Variants in MZT2B observed in about 807,000 individuals in gnomAD.
MZT2B encodes mitotic spindle organizing protein 2B.
In MZT2B, 11 loss-of-function variants were observed where a neutral mutation model predicts 12.1. The ratio of observed to expected loss-of-function variants is 0.91; its 90% CI spans 0.57 to 1.50. The LOEUF is 1.50. Ranked by LOEUF, MZT2B falls within the 40% of genes most tolerant of loss-of-function variation. The pLI, the probability that MZT2B is intolerant of heterozygous loss-of-function variation, is 0.00. For missense variants in MZT2B, 209 were observed against 227.7 expected (o/e 0.92, Z 0.53); for synonymous variants, 85 against 109.5 (o/e 0.78, Z 1.40).
the MZT2B span, among the ~76,000 whole-genome samples, chr2:130,197,148 C>G: frequency 6.6e-6 from 1 of 152,186 alleles, no homozygotes; most frequent in Non-Finnish European, 1.5e-5. Context: ...TAATGGCTCC[C>G]AGACATCATC....
downstream of MZT2B, among the ~76,000 whole-genome samples, chr2:130,193,378 G>A (rs1690317148): frequency 1.3e-5 from 2 of 152,038 alleles, no homozygotes; most frequent in African/African-American, 4.8e-5. Context: ...GGAGGCTGAG[G>A]CAGGCAGATC....
upstream of MZT2B, chr2:130,182,231 A>C (rs1033518060): frequency 1.2e-5 from 15 of 1,229,724 alleles, no homozygotes; most frequent in African/African-American, 2.4e-4. Context: ...TGGTGGGCGC[A>C]GCCGCTAGGG....
intron 2 of MZT2B, among the ~76,000 whole-genome samples, chr2:130,186,076 C>A (rs532061077): frequency 1.3e-5 from 2 of 152,142 alleles, no homozygotes; most frequent in East Asian, 3.9e-4. Context: ...CCACATGTTA[C>A]AGCATCTGAC....
At chr2:130,201,755 C>T in the MZT2B span, among the ~76,000 whole-genome samples, 8 of 152,224 alleles carry the variant, frequency 5.3e-5, no homozygotes, top group South Asian at 2.1e-4. Context: ...ATTTCGTTGA[C>T]GTGAGAACAT....
At chr2:130,182,986 A>T (rs2599747) in intron 2 of MZT2B, 1 of 815,492 alleles carries the variant, frequency 1.2e-6, no homozygotes, top group Non-Finnish European at 1.8e-6. Context: ...CAGAGTGCGT[A>T]CCCCAGGGTG....
At chr2:130,184,084 C>T (rs753287115) in intron 2 of MZT2B, 14 of 1,545,102 alleles carry the variant, frequency 9.1e-6, no homozygotes, top group South Asian at 4.8e-5. Context: ...TGCAGGCCAT[C>T]GCTGCCCTGC....
chr2:130,182,175 G>A, upstream of MZT2B: 6 of 1,263,044 alleles, frequency 4.8e-6, no homozygotes, highest in South Asian at 1.2e-4. Flanking sequence ...CGCCCCTCCC[G>A]CCAGGGCAGC....
chr2:130,186,288 G>A (rs1385540558), intron 2 of MZT2B, among the ~76,000 whole-genome samples: 1 of 152,086 alleles, frequency 6.6e-6, no homozygotes, highest in Admixed American at 6.5e-5. Flanking sequence ...CTGGATGCCT[G>A]TCCCCCAGCC....
At chr2:130,190,830 A>G (rs192599394), downstream of MZT2B, 1,060 of 1,189,872 alleles carry the variant, frequency 8.9e-4, 14 homozygotes, top group Admixed American at 3.8e-4. Flanking sequence ...TGAACTAACC[A>G]GGTCCCTTCA....
At chr2:130,194,353 C>A (rs200389429), downstream of MZT2B, 13 of 1,613,396 alleles carry the variant, frequency 8.1e-6, no homozygotes, top group Non-Finnish European at 1.1e-5. Flanking sequence ...GCTTGGACTT[C>A]TTGCTGTAAT....
At chr2:130,194,389 A>C, downstream of MZT2B, 1 of 1,613,022 alleles carries the variant, frequency 6.2e-7, no homozygotes, top group Non-Finnish European at 8.5e-7. Flanking sequence ...CCATGAGCAG[A>C]GATGCGAACC....
chr2:130,194,316 G>T, downstream of MZT2B: 1 of 1,612,822 alleles, frequency 6.2e-7, no homozygotes, highest in South Asian at 1.1e-5. Context: ...GTGGAGACCT[G>T]GGGGGCTGGG....
chr2:130,184,297 C>G, intron 2 of MZT2B: 6 of 985,392 alleles, frequency 6.1e-6, no homozygotes, highest in Non-Finnish European at 6.0e-6. Context: ...GAGCACAGCC[C>G]CAGGCGTGAC....
chr2:130,196,498 T>A, the MZT2B span: 1 of 1,337,864 alleles, frequency 7.5e-7, no homozygotes, highest in Non-Finnish European at 1.0e-6. Flanking sequence ...AATCGATATT[T>A]CCTAGGAGGG....
the MZT2B span, among the ~76,000 whole-genome samples, chr2:130,196,826 C>T: frequency 0.016 from 2,499 of 152,260 alleles, 31 homozygotes; most frequent in African/African-American, 0.056. Context: ...CTCTGCCCCC[C>T]AGTTCTACCC....
the MZT2B span, chr2:130,196,375 T>A: frequency 3.7e-6 from 6 of 1,611,414 alleles, no homozygotes; most frequent in Non-Finnish European, 5.1e-6. Flanking sequence ...ACTCGCGCTG[T>A]GAACCGGAAC....
the MZT2B span, chr2:130,204,245 C>A: frequency 3.3e-6 from 3 of 915,576 alleles, no homozygotes; most frequent in Middle Eastern, 5.1e-4. Context: ...CAAAAGCTGG[C>A]CCTGCAGGAG....
downstream of MZT2B, chr2:130,191,720 C>T: frequency 6.6e-7 from 1 of 1,520,872 alleles, no homozygotes; most frequent in Non-Finnish European, 8.8e-7. Flanking sequence ...GTAGGCAGAG[C>T]TAAGCTGCAT....
the MZT2B span, chr2:130,202,508 A>G: frequency 2.4e-6 from 3 of 1,241,108 alleles, no homozygotes; most frequent in African/African-American, 1.5e-5. Context: ...TTCATTTCAT[A>G]CAGATGTTTA....
Sources: gnomAD v4.1 joint callset for allele counts (sites outside exome capture counted in the v4.1 genomes callset) on GRCh38, gnomAD v4.1.1 for gene constraint, MANE v1.5 for transcripts, NCBI Gene and HGNC (gene_info 2026-07-23, HGNC 2026-07-21) for gene names.